The following CNTN5 variants were observed in gnomAD, a reference collection of about 807,000 sequenced individuals.
The protein encoded by CNTN5 is contactin 5.
A neutral mutation model predicts 129.1 loss-of-function variants in CNTN5; 77 were observed. The observed-to-expected ratio is 0.60, with a 90% CI of 0.50 to 0.72. The LOEUF is 0.72. Among genes scored for constraint, CNTN5 ranks in the 30% least tolerant of loss-of-function variants. The pLI is 0.00. For missense variants in CNTN5, 1,478 were observed against 1,328.8 expected (o/e 1.11, Z -1.75); for synonymous variants, 509 against 465.6 (o/e 1.09, Z -1.20).
At chr11:100,026,657 C>T (rs910038978) in intron 9 of CNTN5, among the ~76,000 whole-genome samples, 9 of 152,104 alleles carry the variant, frequency 5.9e-5, no homozygotes, top group Admixed American at 5.2e-4. Context: ...TTTTCATATG[C>T]CTATCTGCCA....
intron 3 of CNTN5, among the ~76,000 whole-genome samples, chr11:99,600,682 C>A (rs1426384963): frequency 6.6e-6 from 1 of 152,086 alleles, no homozygotes; most frequent in Non-Finnish European, 1.5e-5. Context: ...TGGGTAGAAG[C>A]CAGTTTTTTC....
chr11:99,883,704 A>G (rs1366934061), intron 6 of CNTN5, among the ~76,000 whole-genome samples: 1 of 152,224 alleles, frequency 6.6e-6, no homozygotes, highest in Non-Finnish European at 1.5e-5. Context: ...TTATGTATTT[A>G]TAAAGTATGG....
At chr11:99,624,723 G>T (rs539049246) in intron 3 of CNTN5, among the ~76,000 whole-genome samples, 1,749 of 152,252 alleles carry the variant, frequency 0.011, 13 homozygotes, top group Non-Finnish European at 0.019. Flanking sequence ...AGGCAGCACG[G>T]TTATTAAGCT....
intron 3 of CNTN5, among the ~76,000 whole-genome samples, chr11:99,556,573 A>ATATG (rs1948676274): frequency 7.1e-6 from 1 of 140,902 alleles, no homozygotes; most frequent in South Asian, 2.2e-4. Flanking sequence ...ATATATATAT[A>ATATG]TATATATATA....
intron 1 of CNTN5, among the ~76,000 whole-genome samples, chr11:99,319,232 C>G (rs539059470): frequency 1.2e-4 from 18 of 152,272 alleles, no homozygotes; most frequent in African/African-American, 4.3e-4. Context: ...TTGGTATTTA[C>G]TTCATGATTA....
In CNTN5 at chr11:99,498,801, A is replaced by G. The variant is rs181577409; in HGVS notation, c.-70-57344A>G. ...TTCTTCCCTTGAAGGAGGTAAAAGA[A>G]ATAATTTTTCTTCTTGTGCACATTG... On this transcript the variant is annotated intron_variant, in intron 2 of 24. Transcript: ENST00000524871. 3.0e-3 allele frequency among the ~76,000 whole-genome samples: 451 copies of G among 152,302 alleles called. 1 individual carries two copies. The highest frequency in any genetic ancestry group is 5.8e-3 in the Non-Finnish European group (393 of 68,032).
intron 6 of CNTN5, among the ~76,000 whole-genome samples, chr11:99,864,547 G>A (rs1042969226): frequency 6.6e-6 from 1 of 152,034 alleles, no homozygotes; most frequent in Non-Finnish European, 1.5e-5. Flanking sequence ...GCCCATTAGG[G>A]TCTTGTTTTC....
Position 100,356,355 on chromosome 11 carries a change from C to T in CNTN5, c.*135C>T, listed in dbSNP as rs968523048. ...CTTGGGACTATACATGGTGAACTTACAGGAGGTTAGGGGGGAAATATTACT... is the reference window on the plus strand; with the variant it reads ...CTTGGGACTATACATGGTGAACTTATAGGAGGTTAGGGGGGAAATATTACT... On this transcript the variant is annotated 3_prime_UTR_variant, in exon 25 of 25. Coordinates refer to ENST00000524871, the MANE Select transcript of CNTN5 (RefSeq NM_014361.4). 1.5e-6 allele frequency: 1 copy of T among 661,818 alleles called. No homozygotes were observed. The highest frequency in any genetic ancestry group is 2.7e-6 in the Non-Finnish European group (1 of 371,574). The allele number at this position is 661,818 out of a possible 1,614,324, so 41.0% of individuals were successfully genotyped here. A position where few individuals can be genotyped will look rare whatever the true frequency, so the allele number is the denominator to read the frequency against.
intron 2 of CNTN5, among the ~76,000 whole-genome samples, chr11:99,555,075 G>A: frequency 6.6e-6 from 1 of 151,794 alleles, no homozygotes; most frequent in East Asian, 1.9e-4. Flanking sequence ...AAAAATGGAA[G>A]TAACTTCATT....
intron 16 of CNTN5, among the ~76,000 whole-genome samples, chr11:100,244,671 T>C (rs1949808172): frequency 2.0e-5 from 3 of 152,220 alleles, no homozygotes; most frequent in Non-Finnish European, 4.4e-5. Flanking sequence ...TTGAACTTTG[T>C]GGTCATAGGA....
At chr11:99,878,857 A>G (rs372139842) in intron 6 of CNTN5, among the ~76,000 whole-genome samples, 1 of 152,182 alleles carries the variant, frequency 6.6e-6, no homozygotes, top group Admixed American at 6.5e-5. Context: ...CCGTCTCAAA[A>G]AAAATAATTA....
rs555282072 is a variant in CNTN5, at chr11:99,562,178, G to A, written c.55+5909G>A. On this transcript the variant is annotated intron_variant, in intron 3 of 24. Transcript: ENST00000524871. The stretch of plus-strand genomic sequence containing the variant: ...ATAAAGCAGGCATTGACTAAAATCT[G>A]CATATCAAATCTTACCTTTGTTTAA... Among the ~76,000 whole-genome samples the A allele has an allele frequency of 3.3e-5, 5 of 152,272 alleles. No homozygotes were observed. In the South Asian group the frequency reaches 1.0e-3, roughly 32 times the overall value.
chr11:100,109,485 T>C (rs567754315), intron 13 of CNTN5, among the ~76,000 whole-genome samples: 1 of 152,312 alleles, frequency 6.6e-6, no homozygotes, highest in African/African-American at 2.4e-5. Context: ...GATGATAGTA[T>C]TTCAGGCATT....
chr11:99,259,878 C>G (rs993509870), intron 1 of CNTN5, among the ~76,000 whole-genome samples: 1 of 151,722 alleles, frequency 6.6e-6, no homozygotes, highest in African/African-American at 2.4e-5. Flanking sequence ...ATTTTCTAGG[C>G]TAATAGAAAA....
intron 13 of CNTN5, among the ~76,000 whole-genome samples, chr11:100,149,963 A>AGT (rs1947000972): frequency 6.6e-6 from 1 of 151,998 alleles, no homozygotes; most frequent in East Asian, 1.9e-4. Context: ...AAATTTATGT[A>AGT]GTGCACATTT....
At chr11:99,043,031 A>T (rs1864066391) in intron 1 of CNTN5, among the ~76,000 whole-genome samples, 1 of 152,164 alleles carries the variant, frequency 6.6e-6, no homozygotes, top group South Asian at 2.1e-4. Flanking sequence ...TGGACCTTGG[A>T]TTAATTCTGC....
At chr11:100,350,306 A>C (rs1160813810) in intron 23 of CNTN5, among the ~76,000 whole-genome samples, 2 of 151,606 alleles carry the variant, frequency 1.3e-5, no homozygotes, top group African/African-American at 4.8e-5. Flanking sequence ...CTCTAGCCTC[A>C]TTCCTCACTA....
Position 99,956,921 on chromosome 11 carries a change from T to G in CNTN5, c.789T>G (p.Asp263Glu), listed in dbSNP as rs764099716. The change falls in exon 8 of 25, where the codon GAT (aspartate) becomes GAG (glutamate). Residue 263 changes from aspartate (D) to glutamate (E), a missense_variant. Asp to Glu is a conservative substitution (Grantham distance 45, BLOSUM62 2). Coordinates refer to ENST00000524871, the MANE Select transcript of CNTN5 (RefSeq NM_014361.4). ...NLYISKVQTS[D>E]VGSYICLVKN... ...ATATTTCTAAAGTCCAAACATCAGA[T>G]GTTGGCAGCTATATTTGTCTGGTGA... 24 of 1,613,898 alleles carry G rather than the reference T, an allele frequency of 1.5e-5. No homozygotes were observed. Among genetic ancestry groups the G allele is most frequent in the Non-Finnish European group, 1.9e-5 (23 of 1,179,816 alleles).
chr11:99,751,805 G>A (rs751268810), intron 3 of CNTN5, among the ~76,000 whole-genome samples: 19 of 152,188 alleles, frequency 1.2e-4, no homozygotes, highest in Admixed American at 2.6e-4. Context: ...CAAGGAAACA[G>A]CATTCAAATG....
Sources: gnomAD v4.1 joint callset for allele counts (sites outside exome capture counted in the v4.1 genomes callset) on GRCh38, gnomAD v4.1.1 for gene constraint, MANE v1.5 for transcripts, NCBI Gene and HGNC (gene_info 2026-07-23, HGNC 2026-07-21) for gene names.